Variants in PVT1 observed in about 807,000 individuals in gnomAD.
PVT1 encodes the protein Pvt1 oncogene.
At chr8:127,818,381 G>A (rs1814690847) in intron 2 of PVT1, among the ~76,000 whole-genome samples, 2 of 152,114 alleles carry the variant, frequency 1.3e-5, no homozygotes, top group Admixed American at 1.3e-4. Context: ...TTCCTGTGCT[G>A]CCCCCTGCCT....
chr8:127,802,689 T>C (rs1362644176), intron 2 of PVT1, among the ~76,000 whole-genome samples: 1 of 152,210 alleles, frequency 6.6e-6, no homozygotes, highest in Non-Finnish European at 1.5e-5. Context: ...GATGGAACAA[T>C]GCCTTGGACG....
At chr8:127,822,070 G>A (rs1814736676) in intron 2 of PVT1, among the ~76,000 whole-genome samples, 1 of 152,196 alleles carries the variant, frequency 6.6e-6, no homozygotes, top group Non-Finnish European at 1.5e-5. Context: ...TCTGTAAAAT[G>A]AGTATTGCAA....
intron 5 of PVT1, among the ~76,000 whole-genome samples, chr8:128,071,505 A>C (rs1813990111): frequency 6.6e-6 from 1 of 150,484 alleles, no homozygotes; most frequent in Non-Finnish European, 1.5e-5. Flanking sequence ...AACTAAGGAG[A>C]CCCCCATCTC....
At chr8:128,023,442 C>T (rs751069717) in intron 4 of PVT1, among the ~76,000 whole-genome samples, 7 of 152,222 alleles carry the variant, frequency 4.6e-5, no homozygotes, top group African/African-American at 9.6e-5. Context: ...CCACTGAGCT[C>T]GTTGTGCACC....
intron 2 of PVT1, among the ~76,000 whole-genome samples, chr8:127,842,854 T>C (rs1215909074): frequency 2.0e-5 from 3 of 151,620 alleles, no homozygotes; most frequent in African/African-American, 7.3e-5. Flanking sequence ...TCAAAGGGGG[T>C]TGAATGAGGT....
At chr8:127,833,694 T>A (rs1406313674) in intron 2 of PVT1, among the ~76,000 whole-genome samples, 1 of 152,156 alleles carries the variant, frequency 6.6e-6, no homozygotes, top group Admixed American at 6.5e-5. Flanking sequence ...ACTCAAGCGA[T>A]CTACCTGCCT....
chr8:128,052,786 G>A (rs1163547302), intron 4 of PVT1, among the ~76,000 whole-genome samples: 2 of 152,156 alleles, frequency 1.3e-5, no homozygotes, highest in African/African-American at 4.8e-5. Context: ...AGTTCTTTAT[G>A]TTTACCAAAT....
intron 2 of PVT1, among the ~76,000 whole-genome samples, chr8:127,800,210 T>C (rs375795157): frequency 2.0e-5 from 3 of 152,322 alleles, no homozygotes; most frequent in Admixed American, 6.5e-5. Flanking sequence ...TTTTTTTTTC[T>C]GGTGCATTAG....
In PVT1 at chr8:128,061,632, G is replaced by A. The variant is rs144324783; in HGVS notation, n.913-8528G>A. Among the ~76,000 whole-genome samples the A allele has an allele frequency of 2.3e-4, 35 of 152,258 alleles. No individual in the cohort carries two copies. The East Asian group carries it at 5.8e-3, about 25-fold the overall frequency. ...TTTACATTCCCACTAGAAGCTGCTC[G>A]TTCTTGGGCTCATTATTCGTGTTTA... is the stretch of plus-strand genomic sequence containing the variant. On this transcript the variant is annotated intron_variant and non_coding_transcript_variant, in intron 4 of 10. Transcript: ENST00000651587.
At chr8:128,029,154 T>A (rs1223199722) in intron 4 of PVT1, among the ~76,000 whole-genome samples, 1 of 151,578 alleles carries the variant, frequency 6.6e-6, no homozygotes, top group Non-Finnish European at 1.5e-5. Flanking sequence ...AATTTTTTAT[T>A]TGATTTTATT....
intron 3 of PVT1, among the ~76,000 whole-genome samples, chr8:127,976,918 G>T (rs916239450): frequency 6.6e-6 from 1 of 152,088 alleles, no homozygotes; most frequent in African/African-American, 2.4e-5. Context: ...CTGGAGTTTG[G>T]TTTTTTGAGT....
intron 3 of PVT1, among the ~76,000 whole-genome samples, chr8:127,933,310 G>A (rs886430077): frequency 6.6e-6 from 1 of 152,148 alleles, no homozygotes; most frequent in Admixed American, 6.5e-5. Flanking sequence ...CCCAACCTCA[G>A]GTGATCCACC....
At chr8:127,901,054 T>A (rs547518274) in intron 3 of PVT1, among the ~76,000 whole-genome samples, 3 of 152,120 alleles carry the variant, frequency 2.0e-5, no homozygotes, top group Non-Finnish European at 4.4e-5. Context: ...AACAAAGAAA[T>A]AGGGGCCTGG....
At chr8:127,931,755 A>G (rs1426501355) in intron 3 of PVT1, among the ~76,000 whole-genome samples, 5 of 152,246 alleles carry the variant, frequency 3.3e-5, no homozygotes, top group Non-Finnish European at 7.3e-5. Flanking sequence ...CGAGCCAAGC[A>G]GAACTCCCGT....
chr8:127,875,654 A>C (rs1025565659), intron 2 of PVT1, among the ~76,000 whole-genome samples: 3 of 151,970 alleles, frequency 2.0e-5, no homozygotes, highest in African/African-American at 7.3e-5. Flanking sequence ...CTTTTCTCTG[A>C]GACAAAGGGA....
intron 5 of PVT1, among the ~76,000 whole-genome samples, chr8:128,074,718 C>A (rs185038229): frequency 6.6e-6 from 1 of 152,114 alleles, no homozygotes; most frequent in Non-Finnish European, 1.5e-5. Flanking sequence ...GTTAGGATGG[C>A]TAATTATATA....
chr8:128,048,469 G>A (rs1012812527), intron 4 of PVT1: 4 of 152,228 alleles, frequency 2.6e-5, no homozygotes, highest in East Asian at 1.9e-4. Flanking sequence ...ACAAGGAGAC[G>A]GGAGAGCCTT....
chr8:127,843,686 C>T (rs539669255), intron 2 of PVT1, among the ~76,000 whole-genome samples: 111 of 151,678 alleles, frequency 7.3e-4, no homozygotes, highest in Non-Finnish European at 1.4e-3. Context: ...ACCTTGTGAT[C>T]CACCCTCTCC....
chr8:127,998,877 T>TCTC (rs34450198), intron 4 of PVT1, among the ~76,000 whole-genome samples: 151 of 143,496 alleles, frequency 1.1e-3, no homozygotes, highest in African/African-American at 3.7e-3. Flanking sequence ...CTCTCTCTCT[T>TCTC]TTTTTGGTGC....
Sources: gnomAD v4.1 joint callset for allele counts (sites outside exome capture counted in the v4.1 genomes callset) on GRCh38, gnomAD v4.1.1 for gene constraint, MANE v1.5 for transcripts, NCBI Gene and HGNC (gene_info 2026-07-23, HGNC 2026-07-21) for gene names.